The following RRP9 variants were observed in gnomAD, a reference collection of about 807,000 sequenced individuals.
The protein encoded by RRP9 is ribosomal RNA processing 9, U3 small nucleolar RNA binding protein.
A neutral mutation model predicts 65.5 loss-of-function variants in RRP9; 35 were observed. The ratio of observed to expected loss-of-function variants is 0.53; its 90% CI spans 0.41 to 0.71. RRP9 has a LOEUF of 0.71. RRP9 is among the 30% of genes least tolerant of loss of function. RRP9 has a pLI of 0.00. For synonymous variants in RRP9, 254 were observed against 245.0 expected (o/e 1.04, Z -0.34); for missense variants, 533 against 633.6 (o/e 0.84, Z 1.70).
At chr3:51,936,976 G>A (rs1699466475) in intron 6 of RRP9, among the ~76,000 whole-genome samples, 1 of 152,186 alleles carries the variant, frequency 6.6e-6, no homozygotes. Context: ...TCATCATCCT[G>A]ACTTTGCCCA....
chr3:51,936,688 A>T (rs887811732), intron 6 of RRP9, 133 bp from the exon 7 acceptor site: 5 of 931,652 alleles, frequency 5.4e-6, no homozygotes, highest in Non-Finnish European at 8.0e-6. Context: ...TGGCTCAGCC[A>T]CCGTGAGCCT....
In RRP9 at chr3:51,937,090, T is replaced by C. The variant is rs916476571; in HGVS notation, c.517+102A>G. The C allele has an allele frequency of 3.4e-6, 5 of 1,457,050 alleles. No homozygotes were observed. Among genetic ancestry groups the C allele is most frequent in the African/African-American group, 2.8e-5 (2 of 71,440 alleles). 90.3% of individuals were successfully genotyped at this position (1,457,050 alleles called of 1,614,324 possible). On this transcript the variant is annotated intron_variant, in intron 6 of 14. Coordinates refer to ENST00000232888, the MANE Select transcript of RRP9 (RefSeq NM_004704.5). This position sits in a 1 kb window ranked among gnomAD's most constrained non-coding sequence, Gnocchi z 5.0. Reference sequence around the variant, plus strand: ...GGCAGCAAACCTGCCTCCAGAGACTTCCCCACTTCAGGGCTCAGCCTGCCA... The same window carrying C: ...GGCAGCAAACCTGCCTCCAGAGACTCCCCCACTTCAGGGCTCAGCCTGCCA...
At chr3:51,938,473 A>G (rs1396908765) in intron 2 of RRP9, among the ~76,000 whole-genome samples, 2 of 152,206 alleles carry the variant, frequency 1.3e-5, no homozygotes, top group Admixed American at 6.5e-5. Flanking sequence ...GGCTTCCAAG[A>G]GAAACCAGGC....
rs934045220 is a variant in RRP9, at chr3:51,937,531, C to A, written c.390+14G>T. On this transcript the variant is annotated intron_variant, in intron 5 of 14. Transcript: ENST00000232888. This position sits in a 1 kb window ranked among gnomAD's most constrained non-coding sequence, Gnocchi z 5.0. Reference sequence around the variant, plus strand: ...TTCCCTCCAACCTTATACCAAAATACCATGCCCACTCACCTCTTTTGCCAC... The same window carrying A: ...TTCCCTCCAACCTTATACCAAAATAACATGCCCACTCACCTCTTTTGCCAC... 6.2e-7 allele frequency: 1 copy of A among 1,614,094 alleles called. No individual in the cohort carries two copies. Among genetic ancestry groups the A allele is most frequent in the South Asian group, 1.1e-5 (1 of 91,092 alleles).
Position 51,935,066 on chromosome 3 carries a change from C to G in RRP9, c.1034+131G>C, listed in dbSNP as rs573416316. ...AGGCCATCTGAGCTCTCTGCCTCAT[C>G]ATCCTCATCCATGAAAAGAGGTTAC... is the stretch of plus-strand genomic sequence containing the variant. On this transcript the variant is annotated intron_variant, in intron 11 of 14. Transcript: ENST00000232888. 1.0e-5 allele frequency: 10 copies of G among 978,498 alleles called. No homozygotes were observed. The African/African-American group carries it at 1.6e-4, about 16-fold the overall frequency. The allele number at this position is 978,498 out of a possible 1,614,324, so 60.6% of individuals were successfully genotyped here.
At position 51,937,946 on chromosome 3, in the gene RRP9, C is replaced by T; in HGVS notation, c.280+149G>A. 1 of 904,192 alleles carries T rather than the reference C, an allele frequency of 1.1e-6. No homozygotes were observed. Among genetic ancestry groups the T allele is most frequent in the Non-Finnish European group, 1.7e-6 (1 of 594,092 alleles). The allele number at this position is 904,192 out of a possible 1,614,324, so 56.0% of individuals were successfully genotyped here. A position where few individuals can be genotyped will look rare whatever the true frequency, so the allele number is the denominator to read the frequency against. ...CCAGGAGGCCCATGAGAGCTTCTGGCCACCCCCACAGGGCAGCCAGCACTG... is the reference window on the plus strand; with the variant it reads ...CCAGGAGGCCCATGAGAGCTTCTGGTCACCCCCACAGGGCAGCCAGCACTG... On this transcript the variant is annotated intron_variant, in intron 3 of 14. Transcript: ENST00000232888. This position sits in a 1 kb window ranked among gnomAD's most constrained non-coding sequence, Gnocchi z 5.0.
At chr3:51,941,609 G>C in intron 1 of RRP9, 118 bp from the exon 2 acceptor site, 1 of 1,167,678 alleles carries the variant, frequency 8.6e-7, no homozygotes, top group African/African-American at 1.5e-5. Flanking sequence ...GTGGTTCCCG[G>C]GTTAAGCGAA....
rs375136418 is a variant in RRP9, at chr3:51,941,806, G to A, written c.62C>T (p.Ala21Val). 1.3e-5 allele frequency: 20 copies of A among 1,574,142 alleles called. No individual in the cohort carries two copies. The highest frequency in any genetic ancestry group is 1.7e-5 in the Non-Finnish European group (20 of 1,168,412). ...GKPASGAGAG[A>V]GAGKRRRKAD... ...CTTTCGCCGCCGCTTGCCGGCCCCC[G>A]CGCCAGCCCCGGCCCCAGAGGCCGG... Residue 21 changes from alanine to valine, a missense_variant, in exon 1 of 15, where the codon GCG (alanine) becomes GTG (valine). Transcript: ENST00000232888.
Position 51,937,834 on chromosome 3 carries a change from G to A in RRP9, c.281-98C>T. On this transcript the variant is annotated intron_variant, in intron 3 of 14. Coordinates refer to ENST00000232888, the MANE Select transcript of RRP9 (RefSeq NM_004704.5). This position sits in a 1 kb window ranked among gnomAD's most constrained non-coding sequence, Gnocchi z 5.0. ...ACTGCCCCAGGGCTGGATAATGCAG[G>A]AAGCTCCAGCTGCCTCAGCAGAGGG... 2.1e-6 allele frequency: 3 copies of A among 1,440,612 alleles called. No homozygotes were observed. The highest frequency in any genetic ancestry group is 2.3e-5 in the East Asian group (1 of 43,686). The allele number at this position is 1,440,612 out of a possible 1,614,324, so 89.2% of individuals were successfully genotyped here.
rs323899 is a variant in RRP9, at chr3:51,937,756, C to T, written c.281-20G>A. On this transcript the variant is annotated intron_variant, in intron 3 of 14. Transcript: ENST00000232888. The surrounding 1 kb of genome is among the most constrained non-coding windows in gnomAD (Gnocchi z 5.0). ...CCTCCTCTGTGCAGGACAGACCAGA[C>T]CAAGTAAACTGAGGCTGAGACCCCT... The T allele has an allele frequency of 1.4e-3, 2,222 of 1,613,592 alleles. 37 individuals carry two copies. In the African/African-American group the frequency reaches 0.026, roughly 19 times the overall value.
chr3:51,934,744 C>G lies in RRP9; in HGVS notation c.1067G>C (p.Arg356Pro). 1.2e-6 allele frequency: 2 copies of G among 1,613,978 alleles called. No homozygotes were observed. The highest frequency in any genetic ancestry group is 1.7e-4 in the Middle Eastern group (1 of 6,058). ...AGCTTCACGCTGCAGGGCAAGTGGT[C>G]GCTTCTTGGAGAGACCCCACAAGGC... ...SVALWGLSKK[R>P]PLALQREAHG... The change falls in exon 12 of 15, where the codon CGA becomes CCA. Residue 356 changes from arginine (R) to proline (P), a missense_variant. Around this residue, in one of 3 missense-constraint regions of RRP9, gnomAD observed 449 missense variants for 550.6 expected, o/e 0.82. Transcript: ENST00000232888. The surrounding 1 kb of genome is among the most constrained non-coding windows in gnomAD (Gnocchi z 4.1).
At position 51,937,054 on chromosome 3, in the gene RRP9, A is replaced by G; in HGVS notation, c.517+138T>C. On this transcript the variant is annotated intron_variant, in intron 6 of 14. Transcript: ENST00000232888. This position sits in a 1 kb window ranked among gnomAD's most constrained non-coding sequence, Gnocchi z 5.0. ...CAGCAGCTTTCACTGTCACCCAGAG[A>G]GCACTCCTAGGGCAGCAAACCTGCC... 3.8e-6 allele frequency: 4 copies of G among 1,049,016 alleles called. No homozygotes were observed. Among genetic ancestry groups the G allele is most frequent in the South Asian group, 3.0e-5 (2 of 66,680 alleles). 65.0% of individuals were successfully genotyped at this position (1,049,016 alleles called of 1,614,324 possible).
Position 51,937,621 on chromosome 3 carries a change from C to A in RRP9, c.349-35G>T. The A allele has an allele frequency of 6.2e-7, 1 of 1,614,198 alleles. No individual in the cohort carries two copies. Among genetic ancestry groups the A allele is most frequent in the South Asian group, 1.1e-5 (1 of 91,080 alleles). ...GAAGAGATGGATGAGACCCTGGGAG[C>A]AGATCAGCTCCACCCCCGTCCTCCC... is the stretch of plus-strand genomic sequence containing the variant. On this transcript the variant is annotated intron_variant, in intron 4 of 14. Coordinates refer to ENST00000232888, the MANE Select transcript of RRP9 (RefSeq NM_004704.5). The surrounding 1 kb of genome is among the most constrained non-coding windows in gnomAD (Gnocchi z 5.0).
rs1176532207 is a variant in RRP9, at chr3:51,937,867, A to G, written c.281-131T>C. Reference sequence around the variant, plus strand: ...AGCTGCCTCAGCAGAGGGGAGGGCAAGCTGGAGGGTTTCCTCCTGCCTTTA... The same window carrying G: ...AGCTGCCTCAGCAGAGGGGAGGGCAGGCTGGAGGGTTTCCTCCTGCCTTTA... On this transcript the variant is annotated intron_variant, in intron 3 of 14. Transcript: ENST00000232888. The surrounding 1 kb of genome is among the most constrained non-coding windows in gnomAD (Gnocchi z 5.0). 7.8e-6 allele frequency: 9 copies of G among 1,158,484 alleles called. No individual in the cohort carries two copies. Among genetic ancestry groups the G allele is most frequent in the South Asian group, 2.8e-5 (2 of 70,184 alleles). 71.8% of individuals were successfully genotyped at this position (1,158,484 alleles called of 1,614,324 possible). A position where few individuals can be genotyped will look rare whatever the true frequency, so the allele number is the denominator to read the frequency against.
In RRP9 at chr3:51,937,707, C is replaced by T. The variant is rs754803018; in HGVS notation, c.310G>A (p.Glu104Lys). The change falls in exon 4 of 15, where the codon GAG becomes AAG. Residue 104 changes from glutamate (E) to lysine (K), a missense_variant. By Grantham distance (56) the Glu-to-Lys change is moderately conservative (BLOSUM62 1). This residue lies in a region of RRP9 where 449 missense variants were observed against 550.6 expected (regional missense o/e 0.82). Transcript: ENST00000232888. The surrounding 1 kb of genome is among the most constrained non-coding windows in gnomAD (Gnocchi z 5.0). ...AGGCGCCCCGCCACCTGGTCCTCCT[C>T]AAATGCACGGGCCTCAGCCTTCTCC... ...EEEKAEARAF[E>K]EDQVAGRLKE... 5 of 1,614,192 alleles carry T rather than the reference C, an allele frequency of 3.1e-6. No homozygotes were observed. The South Asian group carries it at 3.3e-5, about 11-fold the overall frequency.
rs375136418 is a variant in RRP9 at position 51,941,806 on chromosome 3, G to T, written c.62C>A (p.Ala21Glu). ...GKPASGAGAG[A>E]GAGKRRRKAD... Reference sequence around the variant, plus strand: ...CTTTCGCCGCCGCTTGCCGGCCCCCGCGCCAGCCCCGGCCCCAGAGGCCGG... The same window carrying T: ...CTTTCGCCGCCGCTTGCCGGCCCCCTCGCCAGCCCCGGCCCCAGAGGCCGG... Residue 21 changes from alanine to glutamate, a missense_variant, in exon 1 of 15, where the codon GCG (alanine) becomes GAG (glutamate). Ala to Glu is a moderately radical substitution (Grantham distance 107, BLOSUM62 -1). Transcript: ENST00000232888. The T allele has an allele frequency of 7.8e-5, 123 of 1,574,142 alleles. No individual in the cohort carries two copies. The highest frequency in any genetic ancestry group is 1.6e-4 in the South Asian group (14 of 87,236).
In RRP9 at chr3:51,936,238, C is replaced by T. The variant is rs2106673278; in HGVS notation, c.735+19G>A. The stretch of plus-strand genomic sequence containing the variant: ...CATGTGCCCACTAAAGATCCACTGA[C>T]ATAGACCCAGCTCCTCACCGACACT... On this transcript the variant is annotated intron_variant, in intron 8 of 14. Coordinates refer to ENST00000232888, the MANE Select transcript of RRP9 (RefSeq NM_004704.5). 6.2e-7 allele frequency: 1 copy of T among 1,611,232 alleles called. No homozygotes were observed. Among genetic ancestry groups the T allele is most frequent in the Non-Finnish European group, 8.5e-7 (1 of 1,177,328 alleles).
rs1487238566 is a variant in RRP9, at chr3:51,937,367, A to G, written c.391-49T>C. 1 of 1,612,396 alleles carries G rather than the reference A, an allele frequency of 6.2e-7. No individual in the cohort carries two copies. The highest frequency in any genetic ancestry group is 8.5e-7 in the Non-Finnish European group (1 of 1,179,318). ...CTGTGGCTAGTGGCATAAAGGCACT[A>G]CCTTCACCAACCCCACTGCGTAGTG... On this transcript the variant is annotated intron_variant, in intron 5 of 14. Transcript: ENST00000232888. The surrounding 1 kb of genome is among the most constrained non-coding windows in gnomAD (Gnocchi z 5.0).
Position 51,933,610 on chromosome 3 carries a change from T to G in RRP9, c.1335-11A>C. 2 of 1,613,186 alleles carry G rather than the reference T, an allele frequency of 1.2e-6. No individual in the cohort carries two copies. Among genetic ancestry groups the G allele is most frequent in the Non-Finnish European group, 1.7e-6 (2 of 1,179,620 alleles). On this transcript the variant is annotated splice_polypyrimidine_tract_variant and intron_variant, in intron 14 of 14. Coordinates refer to ENST00000232888, the MANE Select transcript of RRP9 (RefSeq NM_004704.5). ...CACCATCGGCCAAGCCTGCAGGGAGTGCAAGACGCAGCTGAGACTCGGCCC... is the reference window on the plus strand; with the variant it reads ...CACCATCGGCCAAGCCTGCAGGGAGGGCAAGACGCAGCTGAGACTCGGCCC...
Sources: gnomAD v4.1 joint callset for allele counts (sites outside exome capture counted in the v4.1 genomes callset) on GRCh38, gnomAD v4.1.1 for gene constraint, gnomAD v4.1.1 regional missense constraint, Gnocchi (gnomAD v3.1) non-coding constraint, MANE v1.5 for transcripts, NCBI Gene and HGNC (gene_info 2026-07-23, HGNC 2026-07-21) for gene names.